CCSER2: variants seen among roughly 807,000 people sequenced by gnomAD.
CCSER2 encodes serine-rich coiled-coil domain-containing protein 2.
CCSER2 carries 46 observed loss-of-function variants against 92.3 expected under a neutral mutation model. That is an observed-to-expected ratio of 0.50 (90% CI 0.39 to 0.64). The LOEUF is 0.64. CCSER2 is among the 30% of genes least tolerant of loss of function. The pLI is 0.00. For missense variants in CCSER2, 1,244 were observed against 1,238.9 expected, an observed-to-expected ratio of 1.00 and a Z score of -0.06; for synonymous variants, 433 against 431.4, an observed-to-expected ratio of 1.00 and a Z score of -0.04.
chr10:84,341,341 CTCTTTT>C (rs1844168986), intron 1 of CCSER2, among the ~76,000 whole-genome samples: 3 of 121,912 alleles, frequency 2.5e-5, no homozygotes, highest in Admixed American at 2.3e-4. Flanking sequence ...GCCTTTGTAA[CTCTTTT>C]TTTTTTTTTT....
chr10:84,345,213 G>C (rs969961244), intron 1 of CCSER2, among the ~76,000 whole-genome samples: 1 of 152,044 alleles, frequency 6.6e-6, no homozygotes, highest in Admixed American at 6.6e-5. Context: ...GAAATGAGGA[G>C]AGGACAGGAC....
chr10:84,457,602 T>C (rs1845828768), intron 6 of CCSER2, among the ~76,000 whole-genome samples: 1 of 117,276 alleles, frequency 8.5e-6, no homozygotes, highest in African/African-American at 3.3e-5. Flanking sequence ...TATATATTTA[T>C]ATATTATATA....
intron 1 of CCSER2, among the ~76,000 whole-genome samples, chr10:84,368,174 AT>A (rs1203593119): frequency 1.3e-5 from 2 of 151,988 alleles, no homozygotes; most frequent in African/African-American, 2.4e-5. Flanking sequence ...GGCAAATCAA[AT>A]TTTTTCTATC....
At chr10:84,342,465 T>C (rs1033803320) in intron 1 of CCSER2, among the ~76,000 whole-genome samples, 3 of 152,158 alleles carry the variant, frequency 2.0e-5, no homozygotes, top group African/African-American at 7.2e-5. Context: ...ATGTACCCTG[T>C]CATGTACCCT....
At chr10:84,363,147 ATT>A (rs1182773588) in intron 1 of CCSER2, among the ~76,000 whole-genome samples, 1 of 84,374 alleles carries the variant, frequency 1.2e-5, no homozygotes, top group Admixed American at 1.3e-4. Context: ...ACACCCAGCT[ATT>A]TTTTTTTTTT....
intron 5 of CCSER2, among the ~76,000 whole-genome samples, chr10:84,429,593 T>TC (rs1355045546): frequency 1.4e-5 from 2 of 138,132 alleles, no homozygotes; most frequent in Non-Finnish European, 3.1e-5. Context: ...ACATGATGAG[T>TC]CCCCCCGCCC....
chr10:84,501,834 A>ATATATATAT (rs1554868294), intron 9 of CCSER2, among the ~76,000 whole-genome samples: 28 of 40,120 alleles, frequency 7.0e-4, no homozygotes, highest in Middle Eastern at 0.028. Flanking sequence ...AAAAAAAAAA[A>ATATATATAT]ATATATATAT....
At chr10:84,367,706 G>GC (rs969433971) in intron 1 of CCSER2, among the ~76,000 whole-genome samples, 4 of 135,246 alleles carry the variant, frequency 3.0e-5, no homozygotes, top group Non-Finnish European at 6.4e-5. Flanking sequence ...TCTTTTCCTT[G>GC]CTTTTTTTTT....
At chr10:84,448,903 T>C (rs1845094302) in intron 6 of CCSER2, among the ~76,000 whole-genome samples, 1 of 152,248 alleles carries the variant, frequency 6.6e-6, no homozygotes. Flanking sequence ...TTTGCTAGTA[T>C]CAGTAGTTCA....
chr10:84,354,623 A>G (rs1296184570), intron 1 of CCSER2, among the ~76,000 whole-genome samples: 1 of 124,330 alleles, frequency 8.0e-6, no homozygotes, highest in Non-Finnish European at 1.6e-5. Context: ...TCCTTGTTGT[A>G]CATCTTCTCC....
intron 3 of CCSER2, among the ~76,000 whole-genome samples, chr10:84,380,730 G>A (rs944305086): frequency 1.2e-4 from 18 of 144,816 alleles, no homozygotes; most frequent in African/African-American, 4.6e-4. Flanking sequence ...GTGTAGCTGT[G>A]TCGCCCAGGC....
At chr10:84,431,350 C>G (rs1307522771) in intron 5 of CCSER2, among the ~76,000 whole-genome samples, 3 of 151,986 alleles carry the variant, frequency 2.0e-5, no homozygotes, top group Non-Finnish European at 4.4e-5. Flanking sequence ...TGCCAGAGAG[C>G]TATAATCAGA....
intron 9 of CCSER2, among the ~76,000 whole-genome samples, chr10:84,504,518 T>C (rs1848941118): frequency 1.3e-5 from 2 of 152,194 alleles, no homozygotes. Flanking sequence ...TGTCTCAGTT[T>C]AGTAATTCAC....
At chr10:84,503,346 A>C (rs1848871966) in intron 9 of CCSER2, among the ~76,000 whole-genome samples, 2 of 152,164 alleles carry the variant, frequency 1.3e-5, no homozygotes, top group Non-Finnish European at 2.9e-5. Flanking sequence ...ACTTCATGAT[A>C]CTTTTTTATT....
At chr10:84,512,600 A>G (rs182528351) in intron 9 of CCSER2, among the ~76,000 whole-genome samples, 17 of 152,288 alleles carry the variant, frequency 1.1e-4, no homozygotes, top group South Asian at 4.1e-4. Context: ...TAACTACACA[A>G]TGAGCTTCAG....
In CCSER2 at chr10:84,371,108, G is replaced by A. The variant is rs759825237; in HGVS notation, c.56G>A (p.Gly19Glu). The change falls in exon 2 of 10, where the codon GGA becomes GAA. Residue 19 changes from glycine (G) to glutamate (E), a missense_variant. Coordinates refer to ENST00000372088, the MANE Select transcript of CCSER2 (RefSeq NM_001284240.2). ...TFLGSKLPKYGTKSVRSTLQP... is the reference protein window; with the variant it reads ...TFLGSKLPKYETKSVRSTLQP... ...TTGGGTTCCAAGTTGCCAAAGTATG[G>A]AACAAAATCTGTAAGAAGTACATTG... 9 of 1,609,318 alleles carry A rather than the reference G, an allele frequency of 5.6e-6. No individual in the cohort carries two copies. In the Admixed American group the frequency reaches 1.4e-4, roughly 24 times the overall value.
Position 84,417,775 on chromosome 10 carries a change from T to A in CCSER2, c.1619T>A (p.Ile540Asn). ...YESSEMNSID[I>N]LNNLESCDLE... ...TTTTACTGCTTTTGTTCACAGGATA[T>A]TTTGAATAATCTTGAATCATGTGAC... Residue 540 changes from isoleucine to asparagine, a missense_variant, in exon 4 of 10, where the codon ATT (isoleucine) becomes AAT (asparagine). By Grantham distance (149) the Ile-to-Asn change is moderately radical. Coordinates refer to ENST00000372088, the MANE Select transcript of CCSER2 (RefSeq NM_001284240.2). 6.6e-7 allele frequency: 1 copy of A among 1,526,314 alleles called. No individual in the cohort carries two copies. Among genetic ancestry groups the A allele is most frequent in the Non-Finnish European group, 9.1e-7 (1 of 1,100,176 alleles). The allele number at this position is 1,526,314 out of a possible 1,614,324, so 94.5% of individuals were successfully genotyped here. A position where few individuals can be genotyped will look rare whatever the true frequency, so the allele number is the denominator to read the frequency against.
chr10:84,414,282 G>C (rs1204182965), intron 3 of CCSER2, among the ~76,000 whole-genome samples: 1 of 152,186 alleles, frequency 6.6e-6, no homozygotes, highest in African/African-American at 2.4e-5. Context: ...GTAGTAGCTG[G>C]TAATGGTTTT....
At chr10:84,422,493 CT>C (rs899269993) in intron 4 of CCSER2, among the ~76,000 whole-genome samples, 2 of 152,020 alleles carry the variant, frequency 1.3e-5, no homozygotes, top group African/African-American at 4.8e-5. Flanking sequence ...CTTTTTTCTT[CT>C]TTATTTCTTA....
Sources: gnomAD v4.1 joint callset for allele counts (sites outside exome capture counted in the v4.1 genomes callset) on GRCh38, gnomAD v4.1.1 for gene constraint, MANE v1.5 for transcripts, NCBI Gene and HGNC (gene_info 2026-07-23, HGNC 2026-07-21) for gene names.